Variants in CBLB observed in about 807,000 individuals in gnomAD.
CBLB encodes Cbl proto-oncogene B, also known as E3 ubiquitin-protein ligase CBL-B.
A neutral mutation model predicts 104.9 loss-of-function variants in CBLB; 31 were observed. The ratio of observed to expected loss-of-function variants is 0.30; its 90% CI spans 0.22 to 0.40. CBLB has a LOEUF of 0.40. CBLB is among the 10% of genes least tolerant of loss of function. CBLB has a pLI of 1.00. For missense variants in CBLB, 1,062 were observed against 1,214.6 expected, an observed-to-expected ratio of 0.87 and a Z score of 1.87; for synonymous variants, 440 against 422.6, an observed-to-expected ratio of 1.04 and a Z score of -0.51.
chr3:105,737,435 A>G (rs964408021), intron 7 of CBLB, among the ~76,000 whole-genome samples, 177 bp from the exon 8 acceptor site: 2 of 152,108 alleles, frequency 1.3e-5, no homozygotes, highest in Admixed American at 1.3e-4. Flanking sequence ...TAGGACACTT[A>G]AAATGTAGAA....
At chr3:105,688,017 G>A (rs533455978) in intron 13 of CBLB, among the ~76,000 whole-genome samples, 5 of 152,034 alleles carry the variant, frequency 3.3e-5, no homozygotes, top group South Asian at 2.1e-4. Flanking sequence ...CTAAATAACA[G>A]GTAAAATAAT....
chr3:105,681,896 AG>A, intron 14 of CBLB, 78 bp from the exon 15 acceptor site: 1 of 825,570 alleles, frequency 1.2e-6, no homozygotes, highest in Non-Finnish European at 2.1e-6. Flanking sequence ...AGAGGGAACT[AG>A]TATTCCTGTT....
In CBLB at chr3:105,710,729, C is replaced by T. The variant is rs555295542; in HGVS notation, c.1408-6556G>A. Among the ~76,000 whole-genome samples, 12 of 152,012 alleles carry T rather than the reference C, an allele frequency of 7.9e-5. No homozygotes were observed. The East Asian group carries it at 1.5e-3, about 20-fold the overall frequency. ...AGAACATCTTTTACAAACTAGAATC[C>T]TGGTGTTCTAGAAATTTAAAGACCA... On this transcript the variant is annotated intron_variant, in intron 10 of 18. Transcript: ENST00000394030.
chr3:105,847,816 T>C (rs983110615), intron 3 of CBLB, among the ~76,000 whole-genome samples: 1 of 152,122 alleles, frequency 6.6e-6, no homozygotes, highest in Non-Finnish European at 1.5e-5. Flanking sequence ...AATTTTACTA[T>C]TAAAATGGTT....
chr3:105,698,983 C>A (rs967056289), intron 12 of CBLB, among the ~76,000 whole-genome samples: 2 of 152,008 alleles, frequency 1.3e-5, no homozygotes, highest in African/African-American at 4.8e-5. Flanking sequence ...TCACAGCCAT[C>A]CTCTCCCTCC....
Position 105,720,108 on chromosome 3 carries a change from A to C in CBLB, c.1346T>G (p.Leu449Trp), listed in dbSNP as rs768172905. The C allele has an allele frequency of 3.7e-6, 6 of 1,613,952 alleles. No individual in the cohort carries two copies. The East Asian group carries it at 6.7e-5, about 18-fold the overall frequency. Residue 449 changes from leucine (L) to tryptophan (W), a missense_variant, in exon 10 of 19, where the codon TTG (leucine) becomes TGG (tryptophan). By Grantham distance (61) the Leu-to-Trp change is moderately conservative. This residue lies in a region of CBLB where 457 missense variants were observed against 632.0 expected (regional missense o/e 0.72). Transcript: ENST00000394030. ...CTCCTCACGATCATCATCGTCGTCC[A>C]AGTCTAGCATCGGCATGCCAAAGGG... ...IDPFGMPMLD[L>W]DDDDDREESL... is the part of the protein sequence containing the mutation.
At chr3:105,733,235 T>C (rs1471986828) in intron 9 of CBLB, among the ~76,000 whole-genome samples, 1 of 151,634 alleles carries the variant, frequency 6.6e-6, no homozygotes, top group East Asian at 1.9e-4. Flanking sequence ...CGGGCACCTG[T>C]AGACCCAGCT....
intron 3 of CBLB, among the ~76,000 whole-genome samples, chr3:105,784,442 G>C (rs574208033): frequency 6.6e-6 from 1 of 152,130 alleles, no homozygotes. Flanking sequence ...TTATGACCTA[G>C]AGTTATGTGA....
chr3:105,678,276 C>G (rs1476466106), intron 17 of CBLB, among the ~76,000 whole-genome samples, 155 bp downstream of exon 17: 1 of 152,156 alleles, frequency 6.6e-6, no homozygotes, highest in Non-Finnish European at 1.5e-5. Context: ...AACTGACAAA[C>G]AAACGTACCC....
intron 13 of CBLB, among the ~76,000 whole-genome samples, chr3:105,690,767 A>G (rs1004313664): frequency 1.5e-4 from 22 of 151,022 alleles, no homozygotes; most frequent in Non-Finnish European, 4.4e-5. Flanking sequence ...GGTTGCAGTG[A>G]GCCGAGATCG....
chr3:105,752,250 G>A (rs1432149968), intron 4 of CBLB, among the ~76,000 whole-genome samples: 1 of 152,092 alleles, frequency 6.6e-6, no homozygotes, highest in Non-Finnish European at 1.5e-5. Flanking sequence ...ACTTTATTCT[G>A]ACTGAATATC....
chr3:105,706,785 AT>A (rs537241012), intron 10 of CBLB, among the ~76,000 whole-genome samples: 1 of 152,172 alleles, frequency 6.6e-6, no homozygotes, highest in Non-Finnish European at 1.5e-5. Flanking sequence ...CAAACAATAT[AT>A]TTTTTTATAT....
At chr3:105,790,142 A>T (rs1464044998) in intron 3 of CBLB, among the ~76,000 whole-genome samples, 1 of 152,246 alleles carries the variant, frequency 6.6e-6, no homozygotes, top group African/African-American at 2.4e-5. Flanking sequence ...TAATAAAAAT[A>T]AGAAAATAAT....
intron 18 of CBLB, among the ~76,000 whole-genome samples, chr3:105,659,833 T>C (rs370701350): frequency 1.3e-5 from 2 of 151,832 alleles, no homozygotes; most frequent in Non-Finnish European, 2.9e-5. Context: ...AAAAACAAAA[T>C]AGTAGATGCT....
At chr3:105,725,343 T>C (rs1218680303) in intron 9 of CBLB, among the ~76,000 whole-genome samples, 3 of 152,170 alleles carry the variant, frequency 2.0e-5, no homozygotes, top group African/African-American at 7.2e-5. Flanking sequence ...TTAGAATGAG[T>C]CTACATTCTA....
chr3:105,693,032 G>A (rs1011961619), intron 13 of CBLB, among the ~76,000 whole-genome samples: 6 of 151,618 alleles, frequency 4.0e-5, no homozygotes, highest in African/African-American at 1.5e-4. Context: ...CTAGAGCAAT[G>A]GAGAAGATTA....
At position 105,678,431 on chromosome 3, in the gene CBLB, C is replaced by T. The variant is rs1373548156; in HGVS notation, c.2569G>A (p.Asp857Asn). Reference sequence around the variant, plus strand: ...GTTTTCTTTGGCTTTTCCCTCCTACCTGAAGGAAGAAGAAAAAGATCCTGT... The same window carrying T: ...GTTTTCTTTGGCTTTTCCCTCCTACTTGAAGGAAGAAGAAAAAGATCCTGT... ...SGQDLFLLPS[D>N]PFVDLASGQV... Residue 857 changes from aspartate (D) to asparagine (N), a missense_variant and splice_region_variant, in exon 17 of 19, where the codon GAT (aspartate) becomes AAT (asparagine). Physicochemically the swap from Asp to Asn is conservative, Grantham distance 23 (BLOSUM62 1). Around this residue, in one of 2 missense-constraint regions of CBLB, gnomAD observed 605 missense variants for 582.6 expected, o/e 1.04. Transcript: ENST00000394030. 1 of 1,613,804 alleles carries T rather than the reference C, an allele frequency of 6.2e-7. No homozygotes were observed. Among genetic ancestry groups the T allele is most frequent in the Admixed American group, 1.7e-5 (1 of 59,990 alleles).
chr3:105,765,214 G>A (rs1281473307), intron 4 of CBLB, among the ~76,000 whole-genome samples: 1 of 152,076 alleles, frequency 6.6e-6, no homozygotes, highest in Non-Finnish European at 1.5e-5. Flanking sequence ...CTAGGGCTAG[G>A]GAGAAGTCAA....
intron 5 of CBLB, among the ~76,000 whole-genome samples, chr3:105,747,579 G>A (rs1481354411): frequency 6.7e-6 from 1 of 149,644 alleles, no homozygotes; most frequent in Non-Finnish European, 1.5e-5. Flanking sequence ...TAATATGAGA[G>A]GTTGAAAAAA....
Sources: gnomAD v4.1 joint callset for allele counts (sites outside exome capture counted in the v4.1 genomes callset) on GRCh38, gnomAD v4.1.1 for gene constraint, gnomAD v4.1.1 regional missense constraint, MANE v1.5 for transcripts, NCBI Gene and HGNC (gene_info 2026-07-23, HGNC 2026-07-21) for gene names.